Variants in GRM8 observed in about 807,000 individuals in gnomAD.
GRM8 encodes the protein metabotropic glutamate receptor 8.
In GRM8, 47 loss-of-function variants were observed where a neutral mutation model predicts 87.2. The ratio of observed to expected loss-of-function variants is 0.54; its 90% CI spans 0.43 to 0.69. The LOEUF (loss-of-function observed/expected upper bound fraction) is 0.69. Among genes scored for constraint, GRM8 ranks in the 30% least tolerant of loss-of-function variants. The probability of loss-of-function intolerance (pLI) is 0.00; values close to 1 mark genes in which losing one functional copy is unlikely to be tolerated. For missense variants in GRM8, 1,019 were observed against 1,139.2 expected (o/e 0.89, Z 1.52); for synonymous variants, 396 against 404.5 (o/e 0.98, Z 0.25).
At chr7:126,784,037 C>T (rs1472981684) in intron 6 of GRM8, among the ~76,000 whole-genome samples, 1 of 152,140 alleles carries the variant, frequency 6.6e-6, no homozygotes, top group Non-Finnish European at 1.5e-5. Flanking sequence ...AGAAAATAAT[C>T]TAATATAAAA....
intron 3 of GRM8, among the ~76,000 whole-genome samples, chr7:127,043,987 A>C (rs1818689173): frequency 6.6e-6 from 1 of 152,164 alleles, no homozygotes; most frequent in Non-Finnish European, 1.5e-5. Context: ...CAAGTTACAT[A>C]TTTTTAAAAC....
In GRM8 at chr7:126,438,841, G is replaced by A. The variant is rs574727967; in HGVS notation, c.*278C>T. On this transcript the variant is annotated 3_prime_UTR_variant, in exon 11 of 11. Coordinates refer to ENST00000339582, the MANE Select transcript of GRM8 (RefSeq NM_000845.3). Reference sequence around the variant, plus strand: ...TTATTTCAACAGCATTTTTTTTCACGAGCTAACATTAGTTTTCCTTTTGTG... The same window carrying A: ...TTATTTCAACAGCATTTTTTTTCACAAGCTAACATTAGTTTTCCTTTTGTG... The A allele has an allele frequency of 4.8e-5, 15 of 313,596 alleles. No individual in the cohort carries two copies. The highest frequency in any genetic ancestry group is 6.5e-5 in the African/African-American group (3 of 46,226). The allele number at this position is 313,596 out of a possible 1,614,324, so 19.4% of individuals were successfully genotyped here. A position where few individuals can be genotyped will look rare whatever the true frequency, so the allele number is the denominator to read the frequency against.
At chr7:126,826,245 A>T (rs1432324888) in intron 6 of GRM8, among the ~76,000 whole-genome samples, 7 of 152,184 alleles carry the variant, frequency 4.6e-5, no homozygotes, top group African/African-American at 1.7e-4. Flanking sequence ...CAGTAATGGG[A>T]TGGCTGGGTC....
At chr7:126,974,426 G>A (rs1810741722) in intron 3 of GRM8, among the ~76,000 whole-genome samples, 1 of 151,850 alleles carries the variant, frequency 6.6e-6, no homozygotes, top group African/African-American at 2.4e-5. Flanking sequence ...CTGTCTACAT[G>A]TATCCCATAA....
At chr7:126,624,310 G>T (rs1001339680) in intron 7 of GRM8, among the ~76,000 whole-genome samples, 1 of 152,094 alleles carries the variant, frequency 6.6e-6, no homozygotes, top group East Asian at 1.9e-4. Flanking sequence ...CTGTTTGCAA[G>T]CACATGAAGG....
chr7:126,470,151 GA>G, intron 9 of GRM8, among the ~76,000 whole-genome samples: 1 of 152,178 alleles, frequency 6.6e-6, no homozygotes, highest in East Asian at 1.9e-4. Flanking sequence ...GACCTTGAGA[GA>G]GATGATTTAT....
At chr7:126,542,736 G>C (rs948777754) in intron 8 of GRM8, among the ~76,000 whole-genome samples, 3 of 152,140 alleles carry the variant, frequency 2.0e-5, no homozygotes, top group Non-Finnish European at 4.4e-5. Flanking sequence ...AGTAATTAAA[G>C]GACTTTTAGG....
At chr7:126,618,960 G>T (rs1212205659) in intron 7 of GRM8, among the ~76,000 whole-genome samples, 1 of 152,204 alleles carries the variant, frequency 6.6e-6, no homozygotes, top group Non-Finnish European at 1.5e-5. Flanking sequence ...GTGGAAGACA[G>T]TGTGGTGATT....
intron 2 of GRM8, among the ~76,000 whole-genome samples, chr7:127,160,783 AC>A (rs34862740): frequency 1.4e-5 from 2 of 140,594 alleles, no homozygotes; most frequent in Non-Finnish European, 3.1e-5. Context: ...GATAGAGGTC[AC>A]CCCCCTCCCC....
intron 8 of GRM8, among the ~76,000 whole-genome samples, chr7:126,599,210 C>A (rs1446740594): frequency 6.6e-6 from 1 of 152,076 alleles, no homozygotes; most frequent in Non-Finnish European, 1.5e-5. Flanking sequence ...TTATCTGGGT[C>A]ACATACATGC....
chr7:127,093,321 C>T (rs540290955), intron 3 of GRM8, among the ~76,000 whole-genome samples: 2 of 152,244 alleles, frequency 1.3e-5, no homozygotes, highest in African/African-American at 4.8e-5. Flanking sequence ...GGCCCCAACA[C>T]ACAGTAGGGG....
chr7:126,962,499 A>G (rs1302794516), intron 3 of GRM8, among the ~76,000 whole-genome samples: 1 of 151,538 alleles, frequency 6.6e-6, no homozygotes, highest in South Asian at 2.1e-4. Context: ...CTATAAAATT[A>G]GTTAAAGTAG....
chr7:126,887,117 A>G (rs553436159), intron 6 of GRM8, among the ~76,000 whole-genome samples: 2 of 152,272 alleles, frequency 1.3e-5, no homozygotes, highest in South Asian at 4.1e-4. Context: ...ATGCACCTGA[A>G]AATCAAACCA....
intron 2 of GRM8, among the ~76,000 whole-genome samples, chr7:127,241,760 C>G (rs1014623669): frequency 3.1e-4 from 47 of 152,156 alleles, no homozygotes; most frequent in Non-Finnish European, 2.9e-5. Flanking sequence ...CAATATAAAA[C>G]AAAGGCTCAT....
At chr7:127,073,860 T>C (rs11563735) in intron 3 of GRM8, among the ~76,000 whole-genome samples, 10,857 of 152,258 alleles carry the variant, frequency 0.071, 533 homozygotes, top group South Asian at 0.12. Flanking sequence ...GAAAGTCCTG[T>C]TGAATATGAG....
intron 2 of GRM8, among the ~76,000 whole-genome samples, chr7:127,183,245 T>A (rs926346242): frequency 6.6e-6 from 1 of 151,854 alleles, no homozygotes; most frequent in African/African-American, 2.4e-5. Flanking sequence ...TTAACATGTA[T>A]GCACATCTTC....
At chr7:126,562,719 A>G (rs1793840381) in intron 8 of GRM8, among the ~76,000 whole-genome samples, 2 of 151,978 alleles carry the variant, frequency 1.3e-5, no homozygotes, top group Non-Finnish European at 2.9e-5. Flanking sequence ...ACATGGAGAA[A>G]CCCTGTTGCT....
intron 8 of GRM8, among the ~76,000 whole-genome samples, chr7:126,553,064 C>A (rs1792761058): frequency 6.6e-6 from 1 of 152,040 alleles, no homozygotes; most frequent in African/African-American, 2.4e-5. Flanking sequence ...TCATCATCAT[C>A]AACAACCACC....
intron 7 of GRM8, among the ~76,000 whole-genome samples, chr7:126,634,860 T>C (rs1217312548): frequency 2.0e-5 from 3 of 152,178 alleles, no homozygotes; most frequent in Admixed American, 2.0e-4. Flanking sequence ...GATGTTAATG[T>C]TTACTTTTAA....
Sources: gnomAD v4.1 joint callset for allele counts (sites outside exome capture counted in the v4.1 genomes callset) on GRCh38, gnomAD v4.1.1 for gene constraint, MANE v1.5 for transcripts, NCBI Gene and HGNC (gene_info 2026-07-23, HGNC 2026-07-21) for gene names.